CENPP: variants seen among roughly 807,000 people sequenced by gnomAD.
The protein encoded by CENPP is centromere protein P.
In CENPP, 24 loss-of-function variants were observed where a neutral mutation model predicts 35.6. The ratio of observed to expected loss-of-function variants is 0.67; its 90% confidence interval spans 0.49 to 0.95. The LOEUF is 0.95. CENPP is among the 40% of genes least tolerant of loss of function. The pLI is 0.00. For synonymous variants in CENPP, 120 were observed against 125.5 expected (o/e 0.96, Z 0.29); for missense variants, 332 against 345.3 (o/e 0.96, Z 0.31).
rs539459791 is a variant in CENPP at position 92,393,137 on chromosome 9, C to T, written c.564+13278C>T. The T allele has an allele frequency of 4.3e-5, 70 of 1,613,748 alleles. 1 individual carries two copies. The highest frequency in any genetic ancestry group is 5.3e-5 in the African/African-American group (4 of 75,010). Reference sequence around the variant, plus strand: ...AGCTTTTTAATTTTGTTGAATCGTGCGTAAAGATAGGCTGATTCCTTTGGT... The same window carrying T: ...AGCTTTTTAATTTTGTTGAATCGTGTGTAAAGATAGGCTGATTCCTTTGGT... On this transcript the variant is annotated intron_variant, in intron 5 of 7. Coordinates refer to ENST00000375587, the MANE Select transcript of CENPP (RefSeq NM_001012267.3).
intron 5 of CENPP, chr9:92,384,342 T>A (rs985897833): frequency 2.6e-5 from 4 of 152,190 alleles, no homozygotes; most frequent in African/African-American, 9.6e-5. Flanking sequence ...AATAAGTATG[T>A]ATTCTGTACA....
intron 5 of CENPP, among the ~76,000 whole-genome samples, chr9:92,479,381 G>A (rs1031374307): frequency 1.3e-5 from 2 of 152,214 alleles, no homozygotes; most frequent in African/African-American, 4.8e-5. Context: ...GTTTTAGGCA[G>A]TAGCATTATC....
intron 1 of CENPP, among the ~76,000 whole-genome samples, chr9:92,330,701 T>TTTG (rs1554750433): frequency 7.4e-5 from 11 of 148,500 alleles, no homozygotes; most frequent in South Asian, 2.1e-4. Flanking sequence ...TTTTTTTTTT[T>TTTG]TTGTTGAGAC....
At chr9:92,611,852 G>GTGGA (rs1851263602) in intron 6 of CENPP, among the ~76,000 whole-genome samples, 1 of 152,242 alleles carries the variant, frequency 6.6e-6, no homozygotes, top group Non-Finnish European at 1.5e-5. Context: ...CCTTGGCTGT[G>GTGGA]CATGTGTGGA....
intron 4 of CENPP, among the ~76,000 whole-genome samples, chr9:92,353,185 T>C (rs1841507506): frequency 6.6e-6 from 1 of 152,220 alleles, no homozygotes. Context: ...TGCAAGTGTA[T>C]ACATGCACAA....
intron 5 of CENPP, among the ~76,000 whole-genome samples, chr9:92,555,329 C>A (rs890455258): frequency 7.0e-6 from 1 of 142,874 alleles, no homozygotes; most frequent in African/African-American, 2.6e-5. Flanking sequence ...CAGGTTCAAG[C>A]GATTCTCCTG....
Position 92,473,246 on chromosome 9 carries a change from A to C in CENPP, c.564+93387A>C, listed in dbSNP as rs547371611. On this transcript the variant is annotated intron_variant, in intron 5 of 7. Coordinates refer to ENST00000375587, the MANE Select transcript of CENPP (RefSeq NM_001012267.3). ...CATGCAGGGTCTTCATGTTGGAAGC[A>C]TATGACTGCTCTGCCGTGGCACATA... Among the ~76,000 whole-genome samples the C allele has an allele frequency of 2.4e-4, 37 of 152,306 alleles. 1 individual carries two copies. The Middle Eastern group carries it at 0.01, about 42-fold the overall frequency.
chr9:92,402,038 C>G (rs72752454), intron 5 of CENPP, among the ~76,000 whole-genome samples: 6 of 152,104 alleles, frequency 3.9e-5, no homozygotes, highest in African/African-American at 1.4e-4. Flanking sequence ...TATCTTAGAC[C>G]CTGCATTTAT....
intron 5 of CENPP, among the ~76,000 whole-genome samples, chr9:92,472,836 T>C (rs1232771037): frequency 6.6e-6 from 1 of 152,140 alleles, no homozygotes; most frequent in African/African-American, 2.4e-5. Flanking sequence ...TTTTAGAAAA[T>C]GAAGTGGAAG....
At chr9:92,390,114 TGAAGAAAAG>T (rs1267537648) in intron 5 of CENPP, 6 of 976,426 alleles carry the variant, frequency 6.1e-6, no homozygotes, top group African/African-American at 3.3e-5. Flanking sequence ...TTGTATGGAC[TGAAGAAAAG>T]CATTTGTTTA....
intron 5 of CENPP, chr9:92,464,701 T>G (rs1564335223): frequency 1.5e-6 from 1 of 671,290 alleles, no homozygotes; most frequent in Non-Finnish European, 2.7e-6. Flanking sequence ...CTTCTTAATG[T>G]TTATTCTTAG....
chr9:92,326,845 G>A (rs768779088), intron 1 of CENPP, among the ~76,000 whole-genome samples: 1 of 152,172 alleles, frequency 6.6e-6, no homozygotes, highest in Non-Finnish European at 1.5e-5. Context: ...TTCAATTTTT[G>A]AGTCAAGAGT....
intron 5 of CENPP, among the ~76,000 whole-genome samples, chr9:92,449,162 G>C (rs1178142496): frequency 6.6e-6 from 1 of 152,112 alleles, no homozygotes. Flanking sequence ...ACAGATACAG[G>C]CTGGGTGTGG....
At chr9:92,505,753 C>A in intron 5 of CENPP, 1 of 1,365,148 alleles carries the variant, frequency 7.3e-7, no homozygotes, top group East Asian at 2.5e-5. Context: ...TTTTTGTAGC[C>A]TTTTGAAATG....
chr9:92,525,619 G>C (rs905280357), intron 5 of CENPP, among the ~76,000 whole-genome samples: 1 of 152,072 alleles, frequency 6.6e-6, no homozygotes, highest in African/African-American at 2.4e-5. Context: ...GGCTGGGCGC[G>C]GTGGCTCAAG....
intron 5 of CENPP, among the ~76,000 whole-genome samples, chr9:92,499,231 A>G (rs1846533167): frequency 6.6e-6 from 1 of 152,234 alleles, no homozygotes; most frequent in Non-Finnish European, 1.5e-5. Context: ...CCAGAAAAAG[A>G]GAGAACCCTA....
intron 5 of CENPP, among the ~76,000 whole-genome samples, chr9:92,557,063 C>T (rs753098181): frequency 7.2e-5 from 11 of 152,262 alleles, no homozygotes; most frequent in South Asian, 4.1e-4. Flanking sequence ...TGTCTGAAAA[C>T]GACTATATCT....
rs1847838803 is a variant in CENPP, at chr9:92,518,115, G to A, written c.565-93199G>A. On this transcript the variant is annotated intron_variant, in intron 5 of 7. Coordinates refer to ENST00000375587, the MANE Select transcript of CENPP (RefSeq NM_001012267.3). ...AGTGAACTCCTCATGGTAACTTGGGGCTGAACTGCGCTTCCATTTTGTATC... is the reference window on the plus strand; with the variant it reads ...AGTGAACTCCTCATGGTAACTTGGGACTGAACTGCGCTTCCATTTTGTATC... Among the ~76,000 whole-genome samples, 3 of 152,138 alleles carry A rather than the reference G, an allele frequency of 2.0e-5. No homozygotes were observed. The South Asian group carries it at 6.2e-4, about 32-fold the overall frequency.
At chr9:92,353,162 A>G (rs1841506602) in intron 4 of CENPP, among the ~76,000 whole-genome samples, 1 of 152,220 alleles carries the variant, frequency 6.6e-6, no homozygotes, top group Admixed American at 6.5e-5. Context: ...ATAAAATGAA[A>G]GTACTTTCTT....
Sources: allele counts gnomAD v4.1 joint callset (sites outside exome capture counted in the v4.1 genomes callset), GRCh38; gene constraint gnomAD v4.1.1; transcripts MANE v1.5; gene names NCBI Gene and HGNC (gene_info 2026-07-23, HGNC 2026-07-21).